The following TMEM132D variants were observed in gnomAD, a reference collection of about 807,000 sequenced individuals.
TMEM132D encodes the protein mature OL transmembrane protein.
In TMEM132D, 21 loss-of-function variants were observed where a neutral mutation model predicts 62.3. The ratio of observed to expected loss-of-function variants is 0.34; its 90% CI spans 0.24 to 0.49. The LOEUF (loss-of-function observed/expected upper bound fraction) is 0.49. Ranked by LOEUF, TMEM132D falls within the 20% of genes least tolerant of loss-of-function variation. The pLI is 0.99. For synonymous variants in TMEM132D, 621 were observed against 575.6 expected, an observed-to-expected ratio of 1.08 and a Z score of -1.13; for missense variants, 1,346 against 1,402.8, an observed-to-expected ratio of 0.96 and a Z score of 0.65.
chr12:129,108,029 C>T (rs1449285526), intron 5 of TMEM132D, among the ~76,000 whole-genome samples: 1 of 152,120 alleles, frequency 6.6e-6, no homozygotes, highest in African/African-American at 2.4e-5. Flanking sequence ...AGAGCCTGTC[C>T]TGGACATTGC....
chr12:129,186,330 CCTT>C (rs1299994237), intron 5 of TMEM132D, among the ~76,000 whole-genome samples: 2 of 152,190 alleles, frequency 1.3e-5, no homozygotes, highest in African/African-American at 4.8e-5. Context: ...AGCTTTGCCT[CCTT>C]CTATGCCTCT....
At chr12:129,451,335 G>A (rs982719423) in intron 3 of TMEM132D, among the ~76,000 whole-genome samples, 5 of 152,156 alleles carry the variant, frequency 3.3e-5, no homozygotes, top group Non-Finnish European at 4.4e-5. Flanking sequence ...TAGATGAGTC[G>A]CTAAAGCCTA....
chr12:129,153,579 G>T (rs1479472230), intron 5 of TMEM132D, among the ~76,000 whole-genome samples: 1 of 152,088 alleles, frequency 6.6e-6, no homozygotes, highest in Non-Finnish European at 1.5e-5. Context: ...TTCACAAGCT[G>T]ATCTCATGAG....
chr12:129,813,071 G>A (rs548657507), intron 1 of TMEM132D, among the ~76,000 whole-genome samples: 25 of 151,936 alleles, frequency 1.6e-4, no homozygotes, highest in African/African-American at 5.3e-4. Context: ...TCTGCTCAAA[G>A]CAGAAATAGT....
chr12:129,207,353 A>C (rs575179158), intron 5 of TMEM132D, among the ~76,000 whole-genome samples: 1 of 152,076 alleles, frequency 6.6e-6, no homozygotes, highest in African/African-American at 2.4e-5. Flanking sequence ...GACAGTCAGA[A>C]GATGAATACA....
At chr12:129,577,016 C>G (rs1229992598) in intron 2 of TMEM132D, among the ~76,000 whole-genome samples, 1 of 151,886 alleles carries the variant, frequency 6.6e-6, no homozygotes, top group African/African-American at 2.4e-5. Flanking sequence ...TCACCTTTCT[C>G]TTGCAATGTC....
chr12:129,643,863 T>TTTTA (rs1879702905), intron 2 of TMEM132D, among the ~76,000 whole-genome samples: 1 of 134,998 alleles, frequency 7.4e-6, no homozygotes, highest in African/African-American at 2.7e-5. Flanking sequence ...TTTTTTTTTT[T>TTTTA]GAGACAGAGT....
intron 2 of TMEM132D, among the ~76,000 whole-genome samples, chr12:129,647,626 T>C (rs1445899514): frequency 1.3e-5 from 2 of 152,186 alleles, no homozygotes; most frequent in East Asian, 1.9e-4. Flanking sequence ...AATATAATGA[T>C]TGTGGAATGG....
At chr12:129,695,699 C>G (rs974637254) in intron 2 of TMEM132D, among the ~76,000 whole-genome samples, 6 of 152,232 alleles carry the variant, frequency 3.9e-5, no homozygotes, top group Non-Finnish European at 5.9e-5. Flanking sequence ...CTCTCCTACC[C>G]CTGGCACAGC....
chr12:129,756,317 G>T (rs545465246), intron 1 of TMEM132D, among the ~76,000 whole-genome samples: 9 of 152,186 alleles, frequency 5.9e-5, no homozygotes, highest in Non-Finnish European at 1.0e-4. Flanking sequence ...TCTGAATCAG[G>T]CATATCCACA....
At chr12:129,634,444 A>G (rs1219470682) in intron 2 of TMEM132D, among the ~76,000 whole-genome samples, 1 of 149,418 alleles carries the variant, frequency 6.7e-6, no homozygotes, top group Non-Finnish European at 1.5e-5. Flanking sequence ...AATGTACTCA[A>G]GCCTATGTGA....
intron 2 of TMEM132D, among the ~76,000 whole-genome samples, chr12:129,656,887 C>A (rs1335541284): frequency 4.6e-5 from 7 of 152,080 alleles, no homozygotes; most frequent in Admixed American, 4.6e-4. Context: ...ACTCAGACAC[C>A]CTCACTGTCT....
At chr12:129,252,925 G>A (rs1455731234) in intron 4 of TMEM132D, among the ~76,000 whole-genome samples, 2 of 151,614 alleles carry the variant, frequency 1.3e-5, no homozygotes, top group African/African-American at 4.8e-5. Context: ...ATCATTCTCA[G>A]GAAACTATCG....
intron 2 of TMEM132D, among the ~76,000 whole-genome samples, chr12:129,621,148 T>C (rs781583457): frequency 7.9e-5 from 12 of 152,058 alleles, no homozygotes; most frequent in Non-Finnish European, 1.3e-4. Context: ...CCCCATATCC[T>C]TCCTCATCTC....
chr12:129,139,199 G>A (rs1003588200), intron 5 of TMEM132D, among the ~76,000 whole-genome samples: 1 of 152,120 alleles, frequency 6.6e-6, no homozygotes, highest in African/African-American at 2.4e-5. Flanking sequence ...CAAGTGATGG[G>A]CTGCCTGACT....
At chr12:129,823,875 T>TCTC (rs907005481) in intron 1 of TMEM132D, among the ~76,000 whole-genome samples, 12 of 152,180 alleles carry the variant, frequency 7.9e-5, no homozygotes, top group Non-Finnish European at 4.4e-5. Context: ...TAATATGGTG[T>TCTC]CTCTTATTAT....
intron 5 of TMEM132D, among the ~76,000 whole-genome samples, chr12:129,094,618 G>A (rs1875037986): frequency 6.6e-6 from 1 of 152,224 alleles, no homozygotes; most frequent in Admixed American, 6.5e-5. Flanking sequence ...GTGGAAGTCA[G>A]TGTGGTGATT....
chr12:129,349,665 T>C (rs943813576), intron 3 of TMEM132D, among the ~76,000 whole-genome samples: 2 of 152,194 alleles, frequency 1.3e-5, no homozygotes, highest in Non-Finnish European at 1.5e-5. Context: ...GAACATACCC[T>C]GGCAAAGATC....
At chr12:129,572,455 C>CT (rs899524091) in intron 2 of TMEM132D, among the ~76,000 whole-genome samples, 10 of 152,086 alleles carry the variant, frequency 6.6e-5, no homozygotes, top group East Asian at 3.9e-4. Context: ...TTCTTTCTTT[C>CT]TTTTTTTGTT....
Sources: allele counts gnomAD v4.1 joint callset (sites outside exome capture counted in the v4.1 genomes callset), GRCh38; gene constraint gnomAD v4.1.1; transcripts MANE v1.5; gene names NCBI Gene and HGNC (gene_info 2026-07-23, HGNC 2026-07-21).